PLA2G6: variants seen among roughly 807,000 people sequenced by gnomAD.
The protein encoded by PLA2G6 is phospholipase A2 group VI, also known as 85/88 kDa calcium-independent phospholipase A2.
PLA2G6 carries 62 observed loss-of-function variants against 83.8 expected under a neutral mutation model. The observed-to-expected ratio is 0.74, with a 90% CI of 0.60 to 0.91. The LOEUF is 0.91. Among genes scored for constraint, PLA2G6 ranks in the 40% least tolerant of loss-of-function variants. The pLI, the probability that PLA2G6 is intolerant of heterozygous loss-of-function variation, is 0.00. For missense variants in PLA2G6, 944 were observed against 1,102.0 expected (o/e 0.86, Z 2.03); for synonymous variants, 417 against 449.8 (o/e 0.93, Z 0.92).
intron 1 of PLA2G6, among the ~76,000 whole-genome samples, chr22:38,179,394 A>G (rs2090759757): frequency 6.6e-6 from 1 of 152,194 alleles, no homozygotes; most frequent in African/African-American, 2.4e-5. Flanking sequence ...CAATACTCCT[A>G]TGTCCTAAGA....
At chr22:38,178,797 C>T (rs946113488) in intron 1 of PLA2G6, among the ~76,000 whole-genome samples, 3 of 151,708 alleles carry the variant, frequency 2.0e-5, no homozygotes, top group Admixed American at 1.3e-4. Flanking sequence ...ACCCAGGAGG[C>T]GGAGGCTGCA....
At chr22:38,116,746 G>A (rs948580424) in intron 12 of PLA2G6, among the ~76,000 whole-genome samples, 1 of 150,712 alleles carries the variant, frequency 6.6e-6, no homozygotes, top group Non-Finnish European at 1.5e-5. Flanking sequence ...AGCTACTTGG[G>A]AGGCTGAAGC....
At position 38,111,751 on chromosome 22, in the gene PLA2G6, G is replaced by C; in HGVS notation, c.*410C>G. ...AACGGAGCAGAGGGCAGAGGGAGTG[G>C]GCTGCACCCACCAGGAAGCCTGGGA... is the stretch of plus-strand genomic sequence containing the variant. On this transcript the variant is annotated 3_prime_UTR_variant, in exon 17 of 17. Transcript: ENST00000332509. 1 of 341,392 alleles carries C rather than the reference G, an allele frequency of 2.9e-6. No homozygotes were observed. The highest frequency in any genetic ancestry group is 2.4e-5 in the South Asian group (1 of 42,464). 21.1% of individuals were successfully genotyped at this position (341,392 alleles called of 1,614,324 possible).
chr22:38,112,419 T>C (rs1184246494), intron 16 of PLA2G6, 85 bp downstream of exon 16: 2 of 1,509,534 alleles, frequency 1.3e-6, no homozygotes, highest in Non-Finnish European at 1.8e-6. Flanking sequence ...GAAGGGAAAG[T>C]CCACACTAGG....
At chr22:38,171,804 G>A (rs1267682232) in intron 1 of PLA2G6, among the ~76,000 whole-genome samples, 1 of 149,602 alleles carries the variant, frequency 6.7e-6, no homozygotes, top group African/African-American at 2.5e-5. Flanking sequence ...CTAGGTGACA[G>A]AGTGAAGACT....
In PLA2G6 at chr22:38,134,941, C is replaced by T. The variant is rs11570667; in HGVS notation, c.894+47G>A. ...GCTTCCTGAGGGCCCTGAGGACCTGCGGGGCCCGGCCCCCTGCCCCACCCA... is the reference window on the plus strand; with the variant it reads ...GCTTCCTGAGGGCCCTGAGGACCTGTGGGGCCCGGCCCCCTGCCCCACCCA... On this transcript the variant is annotated intron_variant, in intron 6 of 16. Transcript: ENST00000332509. The T allele has an allele frequency of 1.4e-3, 1,907 of 1,399,900 alleles. 28 individuals carry two copies. The African/African-American group carries it at 0.024, about 18-fold the overall frequency. 86.7% of individuals were successfully genotyped at this position (1,399,900 alleles called of 1,614,324 possible).
intron 4 of PLA2G6, chr22:38,142,490 G>C (rs1226077177): frequency 6.3e-6 from 1 of 158,986 alleles, no homozygotes; most frequent in Non-Finnish European, 1.4e-5. Context: ...GAGACAGTTT[G>C]GTTTGCTTGG....
At chr22:38,165,324 T>A (rs891586665) in intron 2 of PLA2G6, among the ~76,000 whole-genome samples, 3 of 152,224 alleles carry the variant, frequency 2.0e-5, no homozygotes, top group African/African-American at 7.2e-5. Context: ...TCACAAGGTC[T>A]GTGGCCTACC....
intron 2 of PLA2G6, among the ~76,000 whole-genome samples, chr22:38,156,852 C>T (rs975786178): frequency 2.9e-4 from 44 of 152,142 alleles, no homozygotes; most frequent in African/African-American, 1.1e-3. Flanking sequence ...ACCATACGAA[C>T]ACATGGAAAT....
At chr22:38,174,529 CAG>C (rs1189624616) in intron 1 of PLA2G6, among the ~76,000 whole-genome samples, 3 of 152,328 alleles carry the variant, frequency 2.0e-5, no homozygotes, top group East Asian at 3.9e-4. Flanking sequence ...AAACAGTCAA[CAG>C]AGAGACCCAA....
intron 2 of PLA2G6, chr22:38,147,479 T>G (rs1421962412): frequency 5.9e-6 from 1 of 168,126 alleles, no homozygotes; most frequent in Non-Finnish European, 1.5e-5. Context: ...ATGTGATCTG[T>G]GCCAAATGGA....
chr22:38,124,967 AG>A (rs1407433093), intron 10 of PLA2G6, among the ~76,000 whole-genome samples: 1 of 152,116 alleles, frequency 6.6e-6, no homozygotes, highest in Non-Finnish European at 1.5e-5. Flanking sequence ...GGAGCTACCG[AG>A]GGGTCTCCTG....
At chr22:38,152,247 G>A (rs953119285) in intron 2 of PLA2G6, among the ~76,000 whole-genome samples, 2 of 151,140 alleles carry the variant, frequency 1.3e-5, no homozygotes, top group African/African-American at 4.9e-5. Context: ...ACAGAGTTTC[G>A]CTCTTGTCGC....
At chr22:38,137,559 C>G (rs899843285) in intron 5 of PLA2G6, 1 of 152,344 alleles carries the variant, frequency 6.6e-6, no homozygotes, top group Admixed American at 6.5e-5. Context: ...GGTGGCCAGG[C>G]GCGGTGGCTC....
intron 6 of PLA2G6, 105 bp from the exon 7 acceptor site, chr22:38,133,118 G>T: frequency 8.9e-7 from 1 of 1,119,740 alleles, no homozygotes; most frequent in Non-Finnish European, 1.3e-6. Context: ...TACAGGTACT[G>T]GGATGTTGGA....
chr22:38,129,655 C>A, intron 7 of PLA2G6, 93 bp from the exon 8 acceptor site: 1 of 876,296 alleles, frequency 1.1e-6, no homozygotes, highest in Non-Finnish European at 1.9e-6. Context: ...TGTCAACTCA[C>A]CCAGCGGGCC....
intron 10 of PLA2G6, chr22:38,125,725 AG>A: frequency 2.1e-6 from 1 of 470,698 alleles, no homozygotes; most frequent in Non-Finnish European, 4.4e-6. Context: ...CTCCCTGGGA[AG>A]GCTATTAGGA....
chr22:38,115,954 T>G (rs2087166023), intron 13 of PLA2G6, 121 bp downstream of exon 13: 8 of 1,473,364 alleles, frequency 5.4e-6, no homozygotes, highest in East Asian at 2.4e-5. Context: ...TAAAGACCAG[T>G]GCAGCGGGTG....
At chr22:38,143,400 A>G (rs1354407947) in intron 3 of PLA2G6, 112 bp from the exon 4 acceptor site, 12 of 996,226 alleles carry the variant, frequency 1.2e-5, no homozygotes, top group Non-Finnish European at 1.7e-5. Flanking sequence ...TTTCTGGTTT[A>G]TTTGAGCTCA....
Sources: gnomAD v4.1 joint callset for allele counts (sites outside exome capture counted in the v4.1 genomes callset) on GRCh38, gnomAD v4.1.1 for gene constraint, MANE v1.5 for transcripts, NCBI Gene and HGNC (gene_info 2026-07-23, HGNC 2026-07-21) for gene names.